Variants in SOX6 observed in about 807,000 individuals in gnomAD.
The protein encoded by SOX6 is SRY-box transcription factor 6, also known as transcription factor SOX-6.
SOX6 carries 11 observed loss-of-function variants against 97.8 expected under a neutral mutation model. The observed-to-expected ratio is 0.11, with a 90% CI of 0.07 to 0.19. The LOEUF (loss-of-function observed/expected upper bound fraction) is 0.19. SOX6 is among the 10% of genes least tolerant of loss of function. SOX6 has a pLI of 1.00. For missense variants in SOX6, 810 were observed against 1,039.5 expected (o/e 0.78, Z 3.04); for synonymous variants, 360 against 371.4 (o/e 0.97, Z 0.35).
chr11:16,419,506 C>T (rs1007806459), intron 1 of SOX6, among the ~76,000 whole-genome samples: 2 of 151,122 alleles, frequency 1.3e-5, no homozygotes, highest in African/African-American at 4.9e-5. Context: ...AAGGATTAGA[C>T]CTGAAAACCA....
chr11:16,662,720 G>T (rs1847775169), intron 3 of SOX6, among the ~76,000 whole-genome samples: 1 of 152,000 alleles, frequency 6.6e-6, no homozygotes, highest in Non-Finnish European at 1.5e-5. Context: ...TTCAGACAGG[G>T]TCTCACTCTG....
chr11:16,021,513 C>T (rs922087547), intron 12 of SOX6, among the ~76,000 whole-genome samples: 4 of 151,976 alleles, frequency 2.6e-5, no homozygotes, highest in Non-Finnish European at 5.9e-5. Flanking sequence ...ACCACATGTA[C>T]TTTTAAAGGT....
At chr11:16,457,980 G>A (rs996530262) in intron 1 of SOX6, among the ~76,000 whole-genome samples, 2 of 151,928 alleles carry the variant, frequency 1.3e-5, no homozygotes, top group African/African-American at 2.4e-5. Context: ...GAACTTGATG[G>A]TGATGATAAT....
At chr11:16,448,154 G>A (rs1054144206) in intron 1 of SOX6, among the ~76,000 whole-genome samples, 6 of 152,192 alleles carry the variant, frequency 3.9e-5, no homozygotes, top group African/African-American at 1.4e-4. Context: ...CTTAGAGGAA[G>A]AAGAATCAGA....
intron 4 of SOX6, among the ~76,000 whole-genome samples, chr11:16,591,971 T>C (rs902045024): frequency 6.6e-6 from 1 of 152,136 alleles, no homozygotes; most frequent in Non-Finnish European, 1.5e-5. Context: ...ACTGAGACTG[T>C]TAAAAATAAC....
intron 4 of SOX6, among the ~76,000 whole-genome samples, chr11:16,220,787 A>G (rs186972347): frequency 6.2e-4 from 95 of 152,144 alleles, no homozygotes; most frequent in Non-Finnish European, 2.1e-4. Flanking sequence ...ACCACTTTTC[A>G]GGTTAGCAAG....
rs1453513755 is a variant in SOX6, at chr11:15,974,348, C to CT, written c.2184-1237dup. ...AGAAGTAGCTTAGCTACCTGCCATT[C>CT]TTTTTTTTGTTTTTTTCTGTTAGCT... is the stretch of plus-strand genomic sequence containing the variant. On this transcript the variant is annotated intron_variant, in intron 15 of 15. Transcript: ENST00000683767. Among the ~76,000 whole-genome samples the CT allele has an allele frequency of 2.7e-4, 22 of 82,840 alleles. 1 individual carries two copies. The highest frequency in any genetic ancestry group is 4.4e-4 in the South Asian group (1 of 2,296). 54.3% of individuals were successfully genotyped at this position (82,840 alleles called of 152,430 possible). A position where few individuals can be genotyped will look rare whatever the true frequency, so the allele number is the denominator to read the frequency against.
At chr11:16,599,669 AT>A (rs1848247401) in intron 4 of SOX6, among the ~76,000 whole-genome samples, 2 of 152,292 alleles carry the variant, frequency 1.3e-5, no homozygotes, top group Admixed American at 1.3e-4. Flanking sequence ...TTTCCAATAT[AT>A]GTATTGTGCA....
rs140475972 is a variant in SOX6, at chr11:16,053,439, T to A, written c.1251+2313A>T. Among the ~76,000 whole-genome samples the A allele has an allele frequency of 3.3e-3, 499 of 152,210 alleles. 1 individual carries two copies. Among genetic ancestry groups the A allele is most frequent in the African/African-American group, 0.012 (478 of 41,544 alleles). The stretch of plus-strand genomic sequence containing the variant: ...CACAACCACTAAAACCACCACACCA[T>A]CTTCTTTATTATCATAATGACCAGC... On this transcript the variant is annotated intron_variant, in intron 10 of 15. Transcript: ENST00000683767.
chr11:16,040,377 G>A (rs904618543), intron 12 of SOX6, among the ~76,000 whole-genome samples: 6 of 151,916 alleles, frequency 3.9e-5, no homozygotes, highest in Non-Finnish European at 8.8e-5. Flanking sequence ...CCTGACAACA[G>A]AAAGAAAAAG....
intron 6 of SOX6, among the ~76,000 whole-genome samples, chr11:16,147,728 C>T (rs948300601): frequency 6.6e-6 from 1 of 152,158 alleles, no homozygotes; most frequent in African/African-American, 2.4e-5. Context: ...CTCTTCCCAT[C>T]CACATGGAAT....
intron 6 of SOX6, among the ~76,000 whole-genome samples, chr11:16,138,229 G>T (rs567566317): frequency 6.6e-6 from 1 of 152,250 alleles, no homozygotes; most frequent in South Asian, 2.1e-4. Context: ...GTGCTAGATA[G>T]TTCCATACTT....
intron 1 of SOX6, among the ~76,000 whole-genome samples, chr11:16,409,201 A>G (rs1303047619): frequency 6.6e-6 from 1 of 151,822 alleles, no homozygotes; most frequent in East Asian, 1.9e-4. Context: ...TTTCATTGCT[A>G]TGACAGAGCC....
chr11:16,267,726 A>G (rs547267536), intron 3 of SOX6, among the ~76,000 whole-genome samples: 1 of 151,708 alleles, frequency 6.6e-6, no homozygotes, highest in South Asian at 2.1e-4. Context: ...TCAGTATGTC[A>G]AAGAGATGTC....
chr11:16,133,441 T>C (rs1272226916), intron 6 of SOX6, among the ~76,000 whole-genome samples: 1 of 152,164 alleles, frequency 6.6e-6, no homozygotes, highest in Non-Finnish European at 1.5e-5. Flanking sequence ...GCTGGGTCTA[T>C]GCTATCCTAT....
intron 4 of SOX6, among the ~76,000 whole-genome samples, chr11:16,510,782 T>C (rs1253859282): frequency 6.6e-6 from 1 of 152,104 alleles, no homozygotes; most frequent in Admixed American, 6.6e-5. Flanking sequence ...ATTGGTACCA[T>C]CATTGCTTTA....
chr11:16,546,162 C>CA lies in SOX6; in HGVS notation n.609+65918dup, dbSNP rs569660598. 1.1e-4 allele frequency among the ~76,000 whole-genome samples: 16 copies of CA among 151,386 alleles called. No individual in the cohort carries two copies. The East Asian group carries it at 1.7e-3, about 17-fold the overall frequency. On this transcript the variant is annotated intron_variant and non_coding_transcript_variant, in intron 4 of 5. Coordinates refer to the SOX6 transcript ENST00000524520. ...AACCAAGGAGGAGGAAAGCCTTTAC[C>CA]AAAAAAACTACAAAATGCTGATGAA... is the stretch of plus-strand genomic sequence containing the variant.
intron 3 of SOX6, among the ~76,000 whole-genome samples, chr11:16,614,158 G>A (rs1014138550): frequency 6.6e-6 from 1 of 152,216 alleles, no homozygotes; most frequent in Non-Finnish European, 1.5e-5. Flanking sequence ...TAACTCCCAG[G>A]GCAGTGGCAG....
intron 3 of SOX6, among the ~76,000 whole-genome samples, chr11:16,614,663 C>T (rs1380492077): frequency 1.3e-5 from 2 of 152,168 alleles, no homozygotes; most frequent in African/African-American, 4.8e-5. Flanking sequence ...TAATTTATCG[C>T]GGTTGTTCTT....
Sources: gnomAD v4.1 joint callset for allele counts (sites outside exome capture counted in the v4.1 genomes callset) on GRCh38, gnomAD v4.1.1 for gene constraint, MANE v1.5 for transcripts, NCBI Gene and HGNC (gene_info 2026-07-23, HGNC 2026-07-21) for gene names.